FBXO31: variants seen among roughly 807,000 people sequenced by gnomAD.
FBXO31 encodes the protein F-box protein 31, also known as F-box only protein 31.
FBXO31 carries 24 observed loss-of-function variants against 54.4 expected under a neutral mutation model. That is an observed-to-expected ratio of 0.44 (90% CI 0.32 to 0.62). The LOEUF (loss-of-function observed/expected upper bound fraction) is 0.62, where lower values mean the gene tolerates loss of function less well. FBXO31 is among the 20% of genes least tolerant of loss of function. The probability of loss-of-function intolerance (pLI) is 0.05; values close to 1 mark genes in which losing one functional copy is unlikely to be tolerated. For synonymous variants in FBXO31, 388 were observed against 335.6 expected, an observed-to-expected ratio of 1.16 and a Z score of -1.71; for missense variants, 665 against 787.1, an observed-to-expected ratio of 0.84 and a Z score of 1.86.
At chr16:87,390,571 G>T (rs556382868), upstream of FBXO31, among the ~76,000 whole-genome samples, 1,336 of 151,580 alleles carry the variant, frequency 8.8e-3, 8 homozygotes, top group Non-Finnish European at 0.015. Flanking sequence ...CTCCCGAGTA[G>T]CTGGGATTAC....
At position 87,338,236 on chromosome 16, in the gene FBXO31, G is replaced by GAA. The variant is rs34583829; in HGVS notation, c.733-1974_733-1973dup. 5.5e-4 allele frequency among the ~76,000 whole-genome samples: 76 copies of GAA among 137,422 alleles called. No individual in the cohort carries two copies. The highest frequency in any genetic ancestry group is 1.0e-3 in the Non-Finnish European group (63 of 62,818). The allele number at this position is 137,422 out of a possible 152,430, so 90.2% of individuals were successfully genotyped here. A position where few individuals can be genotyped will look rare whatever the true frequency, so the allele number is the denominator to read the frequency against. ...TCAGAGCAACACATACAAGCCACAA[G>GAA]AAAAAAAAAAAAACAGGGAGCCCAG... On this transcript the variant is annotated intron_variant, in intron 5 of 8. Coordinates refer to ENST00000311635, the MANE Select transcript of FBXO31 (RefSeq NM_024735.5). This position sits in a 1 kb window ranked among gnomAD's most constrained non-coding sequence, Gnocchi z 4.3.
At chr16:87,385,668 T>A (rs1050762004), upstream of FBXO31, among the ~76,000 whole-genome samples, 1 of 152,050 alleles carries the variant, frequency 6.6e-6, no homozygotes, top group Non-Finnish European at 1.5e-5. Flanking sequence ...AAAGGAAAAT[T>A]TGGAGTTAGC....
Position 87,358,430 on chromosome 16 carries a change from G to A in FBXO31, c.412+1865C>T, listed in dbSNP as rs1157024378. 6.5e-6 allele frequency: 1 copy of A among 152,680 alleles called. No homozygotes were observed. Among genetic ancestry groups the A allele is most frequent in the East Asian group, 1.9e-4 (1 of 5,200 alleles). 9.5% of individuals were successfully genotyped at this position (152,680 alleles called of 1,614,324 possible). Reference sequence around the variant, plus strand: ...ACATACGGCAGGTGTAAACGTCTCTGTACGCCATGTGCTCATAATCAGGGA... The same window carrying A: ...ACATACGGCAGGTGTAAACGTCTCTATACGCCATGTGCTCATAATCAGGGA... On this transcript the variant is annotated intron_variant, in intron 2 of 8. Coordinates refer to ENST00000311635, the MANE Select transcript of FBXO31 (RefSeq NM_024735.5). This position sits in a 1 kb window ranked among gnomAD's most constrained non-coding sequence, Gnocchi z 4.0.
upstream of FBXO31, among the ~76,000 whole-genome samples, chr16:87,387,899 T>G (rs907515034): frequency 6.6e-6 from 1 of 152,146 alleles, no homozygotes; most frequent in African/African-American, 2.4e-5. Flanking sequence ...TACCCACTGC[T>G]CAAAAGAACT....
intron 2 of FBXO31, among the ~76,000 whole-genome samples, chr16:87,354,793 C>T (rs191039852): frequency 8.5e-4 from 129 of 152,096 alleles, no homozygotes; most frequent in Middle Eastern, 6.8e-3. Context: ...ACTGGCAAAA[C>T]CCCGTCTCTA....
chr16:87,378,820 G>C (rs773769495), intron 1 of FBXO31, among the ~76,000 whole-genome samples: 1 of 151,984 alleles, frequency 6.6e-6, no homozygotes, highest in African/African-American at 2.4e-5. Context: ...AATTTAGCAG[G>C]GCACGGTGGC....
intron 1 of FBXO31, among the ~76,000 whole-genome samples, chr16:87,375,687 C>T (rs1435024817): frequency 6.6e-6 from 1 of 152,052 alleles, no homozygotes; most frequent in South Asian, 2.1e-4. Flanking sequence ...TGCCAGAGGC[C>T]GAGGGCGACA....
rs1407723152 is a variant in FBXO31 at position 87,331,551 on chromosome 16, C to T, written c.1398-41G>A. On this transcript the variant is annotated intron_variant, in intron 8 of 8. Transcript: ENST00000311635. ...AGGGAAACTGTGAGCTGGGGGAGGG[C>T]TGAGTCAAATGCACGCCACGTACAG... The T allele has an allele frequency of 2.0e-6, 3 of 1,526,834 alleles. No homozygotes were observed. The South Asian group carries it at 3.5e-5, about 18-fold the overall frequency. 94.6% of individuals were successfully genotyped at this position (1,526,834 alleles called of 1,614,324 possible). A position where few individuals can be genotyped will look rare whatever the true frequency, so the allele number is the denominator to read the frequency against.
At chr16:87,389,507 A>G (rs1384793657) in intron 1 of FBXO31, 2 of 152,212 alleles carry the variant, frequency 1.3e-5, no homozygotes, top group Non-Finnish European at 2.9e-5. Flanking sequence ...CCATCTCCAT[A>G]TGCCAGATAT....
At chr16:87,384,074 T>C (rs1040619212), upstream of FBXO31, 10 of 165,330 alleles carry the variant, frequency 6.0e-5, no homozygotes, top group African/African-American at 2.4e-4. Flanking sequence ...ACTGACGCGC[T>C]GCCTACTGCG....
chr16:87,388,322 C>A (rs557552735), upstream of FBXO31, among the ~76,000 whole-genome samples: 34 of 152,354 alleles, frequency 2.2e-4, 1 homozygote, highest in South Asian at 6.0e-3. Context: ...GCAGTCTATT[C>A]AGTGTCAACC....
At chr16:87,356,583 C>T (rs907134267) in intron 2 of FBXO31, among the ~76,000 whole-genome samples, 1 of 152,160 alleles carries the variant, frequency 6.6e-6, no homozygotes, top group Non-Finnish European at 1.5e-5. Context: ...CAGACACCAC[C>T]CTGAAGCGTG....
At chr16:87,378,122 G>C (rs953046089) in intron 1 of FBXO31, among the ~76,000 whole-genome samples, 5 of 150,714 alleles carry the variant, frequency 3.3e-5, no homozygotes, top group African/African-American at 1.2e-4. Context: ...TAGCGCCATT[G>C]CACTACAGCC....
chr16:87,365,748 G>A (rs1422325403), intron 1 of FBXO31, among the ~76,000 whole-genome samples: 3 of 152,190 alleles, frequency 2.0e-5, no homozygotes, highest in African/African-American at 2.4e-5. Context: ...AACGCTGGGT[G>A]TAGGCCGGGC....
At chr16:87,379,628 C>G (rs1906985196) in intron 1 of FBXO31, among the ~76,000 whole-genome samples, 1 of 152,192 alleles carries the variant, frequency 6.6e-6, no homozygotes, top group Admixed American at 6.5e-5. Context: ...GCTCTTAACA[C>G]TGCATACCTG....
chr16:87,334,381 G>A (rs1904976275), intron 7 of FBXO31, 95 bp from the exon 8 acceptor site: 1 of 1,157,962 alleles, frequency 8.6e-7, no homozygotes, highest in South Asian at 1.5e-5. Flanking sequence ...GGCTGAGCGA[G>A]CTGGCACCAG....
At chr16:87,390,447 C>CT (rs550143237), upstream of FBXO31, among the ~76,000 whole-genome samples, 1,789 of 146,412 alleles carry the variant, frequency 0.012, 14 homozygotes, top group Middle Eastern at 0.029. Flanking sequence ...TATTTTCTTT[C>CT]TTTTTTTTTT....
intron 1 of FBXO31, chr16:87,367,414 T>C (rs1175692542): frequency 2.0e-5 from 3 of 152,162 alleles, no homozygotes; most frequent in African/African-American, 4.8e-5. Flanking sequence ...CCCCGACCAC[T>C]GAAGCACATC....
At chr16:87,378,775 C>T (rs979277477) in intron 1 of FBXO31, among the ~76,000 whole-genome samples, 3 of 151,986 alleles carry the variant, frequency 2.0e-5, no homozygotes, top group African/African-American at 7.2e-5. Flanking sequence ...ACCTGGCTAA[C>T]ACGGTGAAAC....
Sources: allele counts gnomAD v4.1 joint callset (sites outside exome capture counted in the v4.1 genomes callset), GRCh38; gene constraint gnomAD v4.1.1; non-coding constraint Gnocchi (gnomAD v3.1); transcripts MANE v1.5; gene names NCBI Gene and HGNC (gene_info 2026-07-23, HGNC 2026-07-21).